The following CSMD2 variants were observed in gnomAD, a reference collection of about 807,000 sequenced individuals.
The protein encoded by CSMD2 is CUB and Sushi multiple domains 2, also known as CUB and sushi domain-containing protein 2.
In CSMD2, 130 loss-of-function variants were observed where a neutral mutation model predicts 398.5. The observed-to-expected ratio is 0.33, with a 90% CI of 0.28 to 0.38. CSMD2 has a LOEUF of 0.38. CSMD2 is among the 10% of genes least tolerant of loss of function. The pLI, the probability that CSMD2 is intolerant of heterozygous loss-of-function variation, is 1.00. For synonymous variants in CSMD2, 1,828 were observed against 1,908.5 expected, an observed-to-expected ratio of 0.96 and a Z score of 1.10; for missense variants, 3,829 against 4,764.9, an observed-to-expected ratio of 0.80 and a Z score of 5.78.
chr1:33,855,984 C>T (rs777933778), intron 5 of CSMD2, among the ~76,000 whole-genome samples: 1 of 152,176 alleles, frequency 6.6e-6, no homozygotes, highest in Non-Finnish European at 1.5e-5. Flanking sequence ...TTTGAATCTG[C>T]GTTCTACTGT....
At chr1:33,726,973 T>G (rs1038889068) in intron 15 of CSMD2, among the ~76,000 whole-genome samples, 2 of 152,130 alleles carry the variant, frequency 1.3e-5, no homozygotes, top group African/African-American at 2.4e-5. Context: ...TTGGGCCACA[T>G]GGTGTTTTTC....
intron 48 of CSMD2, among the ~76,000 whole-genome samples, chr1:33,578,136 T>A (rs1638427204): frequency 6.6e-6 from 1 of 152,226 alleles, no homozygotes; most frequent in East Asian, 1.9e-4. Flanking sequence ...GACTGACCTG[T>A]GGCAACCTGG....
At chr1:33,946,688 G>C (rs1279492787) in intron 3 of CSMD2, among the ~76,000 whole-genome samples, 1 of 149,612 alleles carries the variant, frequency 6.7e-6, no homozygotes, top group Non-Finnish European at 1.5e-5. Flanking sequence ...GCATAATCTT[G>C]GCTCACTGCA....
intron 19 of CSMD2, among the ~76,000 whole-genome samples, chr1:33,716,780 T>G (rs1316941908): frequency 6.6e-6 from 1 of 152,232 alleles, no homozygotes; most frequent in Non-Finnish European, 1.5e-5. Context: ...AAAGAGAGAT[T>G]TATGGCTTGA....
At chr1:33,808,861 A>G (rs1656529706) in intron 10 of CSMD2, among the ~76,000 whole-genome samples, 1 of 151,952 alleles carries the variant, frequency 6.6e-6, no homozygotes. Context: ...AATGATACAT[A>G]TTAGAAATGA....
intron 3 of CSMD2, among the ~76,000 whole-genome samples, chr1:33,976,918 G>T (rs371034217): frequency 6.6e-6 from 1 of 151,988 alleles, no homozygotes; most frequent in Non-Finnish European, 1.5e-5. Flanking sequence ...TTCAAGTGTC[G>T]TGGAGTTCAG....
chr1:33,626,116 C>T (rs1008631535), intron 33 of CSMD2, among the ~76,000 whole-genome samples: 5 of 152,264 alleles, frequency 3.3e-5, no homozygotes, highest in Middle Eastern at 3.4e-3. Flanking sequence ...GTGTTTTCCC[C>T]GCACCTTTAC....
At chr1:33,955,861 T>G (rs938691370) in intron 3 of CSMD2, among the ~76,000 whole-genome samples, 6 of 152,190 alleles carry the variant, frequency 3.9e-5, no homozygotes, top group Admixed American at 3.9e-4. Flanking sequence ...CATTCAAACA[T>G]CCCACTTACA....
intron 58 of CSMD2, 146 bp downstream of exon 58, chr1:33,542,574 A>G (rs1656456129): frequency 3.0e-6 from 2 of 664,412 alleles, no homozygotes; most frequent in Admixed American, 3.1e-5. Flanking sequence ...CATATGCTCA[A>G]CAGAGGCTAT....
chr1:33,935,075 A>G (rs1206251073), intron 4 of CSMD2, among the ~76,000 whole-genome samples: 2 of 151,812 alleles, frequency 1.3e-5, no homozygotes, highest in Non-Finnish European at 2.9e-5. Context: ...AAGAAAGGAA[A>G]AAAAAAAGAA....
chr1:33,816,842 A>G (rs1470417722), intron 9 of CSMD2, among the ~76,000 whole-genome samples: 1 of 152,202 alleles, frequency 6.6e-6, no homozygotes, highest in African/African-American at 2.4e-5. Context: ...ATTAGCTGAG[A>G]ACCTATTATT....
At chr1:34,089,754 A>G (rs1658337898) in intron 1 of CSMD2, among the ~76,000 whole-genome samples, 1 of 151,408 alleles carries the variant, frequency 6.6e-6, no homozygotes, top group African/African-American at 2.4e-5. Flanking sequence ...ACTCTTCCCT[A>G]CTCTTCAAGA....
At chr1:33,752,416 T>C (rs1329461124) in intron 13 of CSMD2, among the ~76,000 whole-genome samples, 1 of 152,192 alleles carries the variant, frequency 6.6e-6, no homozygotes, top group East Asian at 1.9e-4. Flanking sequence ...ATACGCTGGC[T>C]CCGTTTTGCC....
intron 24 of CSMD2, among the ~76,000 whole-genome samples, chr1:33,698,538 G>T (rs1033629107): frequency 6.6e-6 from 1 of 152,216 alleles, no homozygotes; most frequent in Non-Finnish European, 1.5e-5. Flanking sequence ...CAAGCCACCC[G>T]CCTGACTGCA....
chr1:34,007,778 T>A (rs1647105752), intron 3 of CSMD2, among the ~76,000 whole-genome samples: 1 of 152,234 alleles, frequency 6.6e-6, no homozygotes. Flanking sequence ...TATGCACTAA[T>A]ATGCACATAT....
At chr1:34,093,747 A>G (rs1406323735) in intron 1 of CSMD2, among the ~76,000 whole-genome samples, 1 of 152,004 alleles carries the variant, frequency 6.6e-6, no homozygotes, top group African/African-American at 2.4e-5. Context: ...TTCAAGAAAT[A>G]TGGGACTATG....
rs1057491076 is a variant in CSMD2 at position 34,165,081 on chromosome 1, C to T, written c.17G>A (p.Gly6Glu). MPRSR[G>E]RELGRCGCPA... ...GCAGCCGCAGCGCCCCAGCTCCCGT[C>T]CCCGCGAGCGCGGCATGGCGCGGCC... is the stretch of plus-strand genomic sequence containing the variant. Residue 6 changes from glycine (G) to glutamate (E), a missense_variant, in exon 1 of 71, where the codon GGA (glycine) becomes GAA (glutamate). This residue lies in a region of CSMD2 where 184 missense variants were observed against 217.7 expected (regional missense o/e 0.85). Transcript: ENST00000373381. 3.3e-6 allele frequency: 4 copies of T among 1,214,632 alleles called. No homozygotes were observed. The highest frequency in any genetic ancestry group is 4.1e-6 in the Non-Finnish European group (4 of 976,912). 75.2% of individuals were successfully genotyped at this position (1,214,632 alleles called of 1,614,324 possible).
chr1:33,646,442 T>C (rs1360471400), intron 29 of CSMD2, among the ~76,000 whole-genome samples: 2 of 152,168 alleles, frequency 1.3e-5, no homozygotes, highest in East Asian at 1.9e-4. Context: ...TTCCCTTTTT[T>C]CCCACCCCTG....
At chr1:34,102,268 G>C (rs530353446) in intron 1 of CSMD2, among the ~76,000 whole-genome samples, 1 of 152,156 alleles carries the variant, frequency 6.6e-6, no homozygotes, top group Non-Finnish European at 1.5e-5. Context: ...CTGACCTCAT[G>C]ATCCACCCGC....
Sources: gnomAD v4.1 joint callset for allele counts (sites outside exome capture counted in the v4.1 genomes callset) on GRCh38, gnomAD v4.1.1 for gene constraint, gnomAD v4.1.1 regional missense constraint, MANE v1.5 for transcripts, NCBI Gene and HGNC (gene_info 2026-07-23, HGNC 2026-07-21) for gene names.